R3HCC1L: variants seen among roughly 807,000 people sequenced by gnomAD.
R3HCC1L encodes R3H domain and coiled-coil containing 1 like.
A neutral mutation model predicts 59.9 loss-of-function variants in R3HCC1L; 51 were observed. The ratio of observed to expected loss-of-function variants is 0.85; its 90% CI spans 0.68 to 1.07. The LOEUF (loss-of-function observed/expected upper bound fraction) is 1.07, where lower values mean the gene tolerates loss of function less well. Ranked by LOEUF, R3HCC1L falls within the 50% of genes least tolerant of loss-of-function variation. The probability of loss-of-function intolerance (pLI) is 0.00; values close to 1 mark genes in which losing one functional copy is unlikely to be tolerated. For missense variants in R3HCC1L, 965 were observed against 933.0 expected (o/e 1.03, Z -0.45); for synonymous variants, 322 against 315.2 (o/e 1.02, Z -0.23).
At chr10:98,166,711 G>A (rs1182293796) in intron 4 of R3HCC1L, among the ~76,000 whole-genome samples, 1 of 152,014 alleles carries the variant, frequency 6.6e-6, no homozygotes, top group Non-Finnish European at 1.5e-5. Context: ...ACATCTTAAG[G>A]GGAAGCTTCA....
intron 1 of R3HCC1L, among the ~76,000 whole-genome samples, chr10:98,152,062 C>T (rs1846221962): frequency 6.6e-6 from 1 of 152,228 alleles, no homozygotes; most frequent in East Asian, 1.9e-4. Context: ...GCCTGATTCT[C>T]CTGCCTCAGC....
At chr10:98,226,888 G>A (rs190448628) in intron 5 of R3HCC1L, among the ~76,000 whole-genome samples, 6 of 152,328 alleles carry the variant, frequency 3.9e-5, no homozygotes, top group Admixed American at 2.6e-4. Flanking sequence ...AACAGTTTAT[G>A]TATTCTGTTT....
At chr10:98,222,779 G>A (rs1381538408) in intron 5 of R3HCC1L, among the ~76,000 whole-genome samples, 3 of 151,904 alleles carry the variant, frequency 2.0e-5, no homozygotes, top group Non-Finnish European at 4.4e-5. Context: ...CAACAAAATT[G>A]ATAGACCGCT....
At chr10:98,141,515 T>C (rs896293443) in intron 1 of R3HCC1L, among the ~76,000 whole-genome samples, 1 of 152,222 alleles carries the variant, frequency 6.6e-6, no homozygotes, top group East Asian at 1.9e-4. Context: ...CAAAACATAA[T>C]GGTGTAAAAC....
rs543076550 is a variant in R3HCC1L at position 98,206,646 on chromosome 10, G to T, written c.-14-1455G>T. The stretch of plus-strand genomic sequence containing the variant: ...TAATCTTTTGTGAGTCCACTTATCA[G>T]TTTTGCTAAGTAATCCCCATTTCAT... On this transcript the variant is annotated intron_variant, in intron 4 of 9. Transcript: ENST00000298999. Among the ~76,000 whole-genome samples, 4 of 151,926 alleles carry T rather than the reference G, an allele frequency of 2.6e-5. No individual in the cohort carries two copies. The East Asian group carries it at 5.8e-4, about 22-fold the overall frequency.
intron 4 of R3HCC1L, among the ~76,000 whole-genome samples, chr10:98,195,706 G>A (rs762506938): frequency 2.0e-5 from 3 of 151,920 alleles, no homozygotes; most frequent in Non-Finnish European, 4.4e-5. Context: ...GTTAAACCCC[G>A]TCTTTTTTTA....
At chr10:98,172,418 A>C (rs1338517227) in intron 4 of R3HCC1L, among the ~76,000 whole-genome samples, 2 of 152,192 alleles carry the variant, frequency 1.3e-5, no homozygotes, top group Non-Finnish European at 2.9e-5. Context: ...CTGAGGTGTT[A>C]GGATTTCTGT....
intron 4 of R3HCC1L, among the ~76,000 whole-genome samples, chr10:98,164,079 C>T (rs766189701): frequency 9.2e-5 from 14 of 152,008 alleles, no homozygotes; most frequent in African/African-American, 1.9e-4. Flanking sequence ...ATGGGCCAGC[C>T]GATGTGCAGG....
intron 4 of R3HCC1L, among the ~76,000 whole-genome samples, chr10:98,181,737 A>G (rs934813535): frequency 5.3e-5 from 8 of 151,458 alleles, no homozygotes; most frequent in Non-Finnish European, 1.2e-4. Context: ...TTTTCTCTAA[A>G]CTTCTCTCTT....
intron 5 of R3HCC1L, among the ~76,000 whole-genome samples, chr10:98,220,828 G>A (rs1437393268): frequency 3.4e-5 from 5 of 148,426 alleles, no homozygotes; most frequent in Admixed American, 1.3e-4. Context: ...GAATAATGCC[G>A]CAATAAACAT....
At chr10:98,141,586 G>A (rs1340143905) in intron 1 of R3HCC1L, among the ~76,000 whole-genome samples, 1 of 152,184 alleles carries the variant, frequency 6.6e-6, no homozygotes, top group Non-Finnish European at 1.5e-5. Context: ...TGCACAGATG[G>A]CTTGCTTAAG....
At chr10:98,136,729 C>G (rs1460847600) in intron 1 of R3HCC1L, among the ~76,000 whole-genome samples, 3 of 151,846 alleles carry the variant, frequency 2.0e-5, no homozygotes, top group Admixed American at 6.6e-5. Flanking sequence ...CCCAGCTACT[C>G]GGGAGGCTGA....
intron 2 of R3HCC1L, among the ~76,000 whole-genome samples, chr10:98,157,743 G>T (rs1847023901): frequency 6.6e-6 from 1 of 152,088 alleles, no homozygotes; most frequent in Non-Finnish European, 1.5e-5. Context: ...AAAACAAATT[G>T]ACTTATTTCA....
chr10:98,203,905 G>A (rs1049146042), intron 4 of R3HCC1L, among the ~76,000 whole-genome samples: 4 of 152,138 alleles, frequency 2.6e-5, no homozygotes, highest in African/African-American at 9.7e-5. Context: ...GCATGTGTTA[G>A]CAATTGACTG....
chr10:98,243,845 T>C (rs1308169019), intron 9 of R3HCC1L, among the ~76,000 whole-genome samples: 1 of 152,258 alleles, frequency 6.6e-6, no homozygotes, highest in African/African-American at 2.4e-5. Context: ...TTCTGACTTA[T>C]TCCATATACT....
At chr10:98,135,993 C>T (rs1417651260) in intron 1 of R3HCC1L, among the ~76,000 whole-genome samples, 1 of 150,474 alleles carries the variant, frequency 6.6e-6, no homozygotes, top group Non-Finnish European at 1.5e-5. Flanking sequence ...TTTCCCCTTA[C>T]AGAGAATGCT....
chr10:98,179,719 T>C (rs1849437661), intron 4 of R3HCC1L, among the ~76,000 whole-genome samples: 1 of 152,212 alleles, frequency 6.6e-6, no homozygotes, highest in South Asian at 2.1e-4. Flanking sequence ...GGTAGGCTAT[T>C]AATTATTACC....
At chr10:98,164,441 G>A (rs1284289750) in intron 4 of R3HCC1L, among the ~76,000 whole-genome samples, 1 of 152,180 alleles carries the variant, frequency 6.6e-6, no homozygotes, top group Non-Finnish European at 1.5e-5. Context: ...TGTTTTGCAT[G>A]GCTCATGTGA....
At chr10:98,182,838 G>A (rs2134619734) in intron 4 of R3HCC1L, among the ~76,000 whole-genome samples, 1 of 152,286 alleles carries the variant, frequency 6.6e-6, no homozygotes. Context: ...TGTGGGACTT[G>A]CTGAGCCAGT....
Sources: allele counts gnomAD v4.1 joint callset (sites outside exome capture counted in the v4.1 genomes callset), GRCh38; gene constraint gnomAD v4.1.1; transcripts MANE v1.5; gene names NCBI Gene and HGNC (gene_info 2026-07-23, HGNC 2026-07-21).